The following KLHDC4 variants were observed in gnomAD, a reference collection of about 807,000 sequenced individuals.
KLHDC4 encodes the protein kelch domain-containing protein 4.
KLHDC4 carries 90 observed loss-of-function variants against 62.4 expected under a neutral mutation model. The observed-to-expected ratio is 1.44, with a 90% CI of 1.22 to 1.72. KLHDC4 has a LOEUF of 1.72. Among genes scored for constraint, KLHDC4 ranks in the 40% most tolerant of loss-of-function variants. The pLI is 0.00. For missense variants in KLHDC4, 1,025 were observed against 699.7 expected (o/e 1.47, Z -5.25); for synonymous variants, 386 against 284.4 (o/e 1.36, Z -3.59).
chr16:87,708,958 C>G (rs745830887), intron 10 of KLHDC4, among the ~76,000 whole-genome samples: 1 of 152,236 alleles, frequency 6.6e-6, no homozygotes, highest in Non-Finnish European at 1.5e-5. Context: ...CCTCGGGGCC[C>G]GGCTCGGACG....
intron 9 of KLHDC4, 29 bp from the exon 10 acceptor site, chr16:87,709,696 A>G: frequency 6.5e-7 from 1 of 1,538,124 alleles, no homozygotes; most frequent in Non-Finnish European, 8.8e-7. Flanking sequence ...AGCAGAGAGC[A>G]GCAGCTTCAG....
At chr16:87,739,843 G>A (rs2041979905) in intron 5 of KLHDC4, 1 of 152,292 alleles carries the variant, frequency 6.6e-6, no homozygotes, top group African/African-American at 2.4e-5. Flanking sequence ...ACGGTGGGGT[G>A]TCTGCTAAAA....
chr16:87,755,618 G>A (rs889108575), intron 3 of KLHDC4: 2 of 223,308 alleles, frequency 9.0e-6, no homozygotes, highest in Admixed American at 5.3e-5. Flanking sequence ...CCACAATGGA[G>A]TGCAATGGCG....
rs1053068458 is a variant in KLHDC4, at chr16:87,752,489, A to T, written c.369+2705T>A. On this transcript the variant is annotated intron_variant, in intron 4 of 11. Coordinates refer to ENST00000270583, the MANE Select transcript of KLHDC4 (RefSeq NM_017566.4). ...GTAGCTGGGATTACAGGCACGCGCC[A>T]CGACGCCCAGGTAATTTTTGTAGTT... Among the ~76,000 whole-genome samples, 5 of 151,954 alleles carry T rather than the reference A, an allele frequency of 3.3e-5. 1 individual carries two copies. The highest frequency in any genetic ancestry group is 2.6e-4 in the Admixed American group (4 of 15,266).
Position 87,700,799 on chromosome 16 carries a change from AG to A in KLHDC4, c.*839del, listed in dbSNP as rs1166845631. On this transcript the variant is annotated 3_prime_UTR_variant, in exon 1 of 1. Transcript: ENST00000446344. ...GCGGAGGGAGGAGGTTGGAGGGCAG[AG>A]GGGAGGAGGTTGCAGGGCAGAGGGA... is the stretch of plus-strand genomic sequence containing the variant. 5.1e-5 allele frequency: 6 copies of A among 117,112 alleles called. No individual in the cohort carries two copies. In the East Asian group the frequency reaches 1.5e-3, roughly 29 times the overall value. 7.3% of individuals were successfully genotyped at this position (117,112 alleles called of 1,614,324 possible). A position where few individuals can be genotyped will look rare whatever the true frequency, so the allele number is the denominator to read the frequency against.
At chr16:87,740,999 C>A (rs2042149944) in intron 5 of KLHDC4, 1 of 152,160 alleles carries the variant, frequency 6.6e-6, no homozygotes. Flanking sequence ...TCCAACGAGG[C>A]ACGGATGCTC....
chr16:87,722,984 T>TGGG (rs1049446080), intron 7 of KLHDC4, among the ~76,000 whole-genome samples: 1 of 152,156 alleles, frequency 6.6e-6, no homozygotes, highest in African/African-American at 2.4e-5. Context: ...CCACAGTGTG[T>TGGG]GGGGTCTTCT....
chr16:87,746,246 G>A (rs1247186305), intron 5 of KLHDC4, among the ~76,000 whole-genome samples: 1 of 151,838 alleles, frequency 6.6e-6, no homozygotes, highest in South Asian at 2.1e-4. Flanking sequence ...TTCCAGCCTG[G>A]GCAACAGAGT....
chr16:87,717,539 G>C (rs974776475), intron 7 of KLHDC4, among the ~76,000 whole-genome samples: 4 of 152,206 alleles, frequency 2.6e-5, no homozygotes, highest in African/African-American at 7.2e-5. Context: ...AACTGAGTCT[G>C]GGTCTCTTTT....
chr16:87,745,410 G>C (rs953804438), intron 5 of KLHDC4, among the ~76,000 whole-genome samples: 3 of 152,224 alleles, frequency 2.0e-5, no homozygotes. Context: ...CTCTGCTGCA[G>C]AGGGCACCAC....
At chr16:87,739,316 C>T (rs1179088915) in intron 5 of KLHDC4, among the ~76,000 whole-genome samples, 54 of 135,034 alleles carry the variant, frequency 4.0e-4, no homozygotes, top group Non-Finnish European at 6.4e-4. Flanking sequence ...AGCACCTCAT[C>T]CATCCACACA....
At chr16:87,736,923 G>A (rs995654480) in intron 5 of KLHDC4, among the ~76,000 whole-genome samples, 4 of 151,092 alleles carry the variant, frequency 2.6e-5, no homozygotes, top group Non-Finnish European at 4.4e-5. Flanking sequence ...TCAGGAGTTC[G>A]AGACCAGCCT....
At chr16:87,742,944 G>A (rs17699720) in intron 5 of KLHDC4, 26,894 of 152,236 alleles carry the variant, frequency 0.18, 2,858 homozygotes, top group Non-Finnish European at 0.24. Flanking sequence ...ATGAAGTGAC[G>A]ACGAGCACGG....
At chr16:87,698,724 G>T (rs772999575) in exon 1 of KLHDC4, 6 of 152,190 alleles carry the variant, frequency 3.9e-5, no homozygotes, top group East Asian at 1.9e-4. Context: ...TTCCACATGG[G>T]GTGATTAAGC....
At chr16:87,725,288 G>T (rs1014245946) in intron 7 of KLHDC4, among the ~76,000 whole-genome samples, 1 of 152,142 alleles carries the variant, frequency 6.6e-6, no homozygotes, top group Non-Finnish European at 1.5e-5. Flanking sequence ...ATGACGCATA[G>T]GAAATTACCA....
chr16:87,743,951 G>A (rs937178137), intron 5 of KLHDC4, among the ~76,000 whole-genome samples: 3 of 151,534 alleles, frequency 2.0e-5, no homozygotes, highest in East Asian at 2.0e-4. Context: ...ATCAGCAAAC[G>A]CAATCCAGTC....
At chr16:87,729,067 G>A in intron 6 of KLHDC4, among the ~76,000 whole-genome samples, 1 of 152,116 alleles carries the variant, frequency 6.6e-6, no homozygotes, top group Non-Finnish European at 1.5e-5. Flanking sequence ...GTGAGCCACT[G>A]TACCCAGCCT....
At chr16:87,702,222 C>G (rs1354602999) in exon 1 of KLHDC4, 6 of 456,374 alleles carry the variant, frequency 1.3e-5, no homozygotes, top group South Asian at 4.6e-5. Context: ...ACCATGACAG[C>G]CAACTCCTCC....
chr16:87,765,878 C>T lies in KLHDC4; in HGVS notation c.13G>A (p.Gly5Ser), dbSNP rs892630797. The change falls in exon 1 of 12, where the codon GGC (glycine) becomes AGC (serine). Residue 5 changes from glycine (G) to serine (S), a missense_variant. Gly to Ser is a moderately conservative substitution (Grantham distance 56, BLOSUM62 0). Coordinates refer to ENST00000270583, the MANE Select transcript of KLHDC4 (RefSeq NM_017566.4). MGKK[G>S]KKEKKGRGAE... Reference sequence around the variant, plus strand: ...CCGCGGCCCTTCTTCTCCTTCTTGCCCTTCTTGCCCATCTTGCCGGGTCCC... The same window carrying T: ...CCGCGGCCCTTCTTCTCCTTCTTGCTCTTCTTGCCCATCTTGCCGGGTCCC... 1.7e-5 allele frequency: 26 copies of T among 1,551,594 alleles called. No individual in the cohort carries two copies. Among genetic ancestry groups the T allele is most frequent in the Non-Finnish European group, 2.1e-5 (24 of 1,147,040 alleles).
Sources: gnomAD v4.1 joint callset for allele counts (sites outside exome capture counted in the v4.1 genomes callset) on GRCh38, gnomAD v4.1.1 for gene constraint, MANE v1.5 for transcripts, NCBI Gene and HGNC (gene_info 2026-07-23, HGNC 2026-07-21) for gene names.